The following EXOC6B variants were observed in gnomAD, a reference collection of about 807,000 sequenced individuals.
The protein encoded by EXOC6B is SEC15 homolog B.
EXOC6B carries 54 observed loss-of-function variants against 113.5 expected under a neutral mutation model. That is an observed-to-expected ratio of 0.48 (90% CI 0.38 to 0.60). EXOC6B has a LOEUF of 0.60. EXOC6B is among the 20% of genes least tolerant of loss of function. The pLI, the probability that EXOC6B is intolerant of heterozygous loss-of-function variation, is 0.00. For missense variants in EXOC6B, 797 were observed against 977.5 expected, an observed-to-expected ratio of 0.82 and a Z score of 2.46; for synonymous variants, 357 against 339.0, an observed-to-expected ratio of 1.05 and a Z score of -0.58.
intron 17 of EXOC6B, among the ~76,000 whole-genome samples, chr2:72,471,824 C>A (rs1698430043): frequency 6.6e-6 from 1 of 152,110 alleles, no homozygotes; most frequent in African/African-American, 2.4e-5. Context: ...AGGCAGTCAA[C>A]CTTTTCCCAT....
rs150193324 is a variant in EXOC6B, at chr2:72,432,225, G to A, written c.1980+32935C>T. On this transcript the variant is annotated intron_variant, in intron 18 of 21. Coordinates refer to ENST00000272427, the MANE Select transcript of EXOC6B (RefSeq NM_015189.3). The stretch of plus-strand genomic sequence containing the variant: ...CTAATTTTTTGTATTTAGTAGAGAC[G>A]CAGTTTCACCATGTTGGTCAAGCTG... Among the ~76,000 whole-genome samples the A allele has an allele frequency of 7.9e-5, 12 of 151,898 alleles. No homozygotes were observed. The East Asian group carries it at 1.5e-3, about 20-fold the overall frequency.
At chr2:72,521,700 T>C (rs1701496176) in intron 8 of EXOC6B, among the ~76,000 whole-genome samples, 1 of 152,136 alleles carries the variant, frequency 6.6e-6, no homozygotes, top group South Asian at 2.1e-4. Flanking sequence ...CAAGGCTTTG[T>C]TTAACTTTTT....
At chr2:72,757,841 T>G (rs1467384902) in intron 1 of EXOC6B, among the ~76,000 whole-genome samples, 1 of 152,098 alleles carries the variant, frequency 6.6e-6, no homozygotes, top group Admixed American at 6.6e-5. Context: ...CTCTTGTAAT[T>G]AATCATGATA....
chr2:72,414,551 C>T (rs1185666067), intron 18 of EXOC6B, among the ~76,000 whole-genome samples: 1 of 152,278 alleles, frequency 6.6e-6, no homozygotes, highest in African/African-American at 2.4e-5. Flanking sequence ...GGACAGAGGC[C>T]CTCTGTGCAG....
At chr2:72,512,736 G>T (rs1701007224) in intron 11 of EXOC6B, among the ~76,000 whole-genome samples, 1 of 151,904 alleles carries the variant, frequency 6.6e-6, no homozygotes, top group Non-Finnish European at 1.5e-5. Context: ...ACTTCTTATT[G>T]TATGGCATTA....
At chr2:72,428,736 C>T (rs1226586592) in intron 18 of EXOC6B, among the ~76,000 whole-genome samples, 1 of 152,180 alleles carries the variant, frequency 6.6e-6, no homozygotes, top group East Asian at 1.9e-4. Flanking sequence ...CCAAAGATCC[C>T]ATAACAACAA....
chr2:72,302,835 A>T (rs1457834560), intron 20 of EXOC6B, among the ~76,000 whole-genome samples: 1 of 150,912 alleles, frequency 6.6e-6, no homozygotes, highest in African/African-American at 2.4e-5. Flanking sequence ...TACATTTTTT[A>T]TATGTGTGGA....
chr2:72,517,951 A>C (rs1043085771), intron 8 of EXOC6B, among the ~76,000 whole-genome samples: 1 of 152,230 alleles, frequency 6.6e-6, no homozygotes, highest in Non-Finnish European at 1.5e-5. Context: ...TTTATCTAAT[A>C]GGTCTGGCTT....
At chr2:72,762,050 C>A (rs946883706) in intron 1 of EXOC6B, among the ~76,000 whole-genome samples, 1 of 151,946 alleles carries the variant, frequency 6.6e-6, no homozygotes, top group Non-Finnish European at 1.5e-5. Context: ...TCAAGACCAT[C>A]CTAGCCAACA....
chr2:72,393,132 G>T (rs554307625), intron 18 of EXOC6B, among the ~76,000 whole-genome samples: 1 of 151,514 alleles, frequency 6.6e-6, no homozygotes, highest in East Asian at 1.9e-4. Flanking sequence ...GTCTCACTCT[G>T]TAACCAGGCT....
intron 20 of EXOC6B, among the ~76,000 whole-genome samples, chr2:72,202,809 TA>T (rs1254133493): frequency 6.6e-6 from 1 of 152,152 alleles, no homozygotes; most frequent in Non-Finnish European, 1.5e-5. Context: ...CTTTAGCAGC[TA>T]AATATTCCCC....
chr2:72,503,190 C>T (rs1700419931), intron 11 of EXOC6B, among the ~76,000 whole-genome samples: 1 of 152,068 alleles, frequency 6.6e-6, no homozygotes, highest in East Asian at 1.9e-4. Flanking sequence ...CCAATATCAA[C>T]ACAAAATTAT....
At chr2:72,742,107 A>G (rs958277983) in intron 1 of EXOC6B, among the ~76,000 whole-genome samples, 2 of 152,138 alleles carry the variant, frequency 1.3e-5, no homozygotes, top group Non-Finnish European at 2.9e-5. Context: ...CCCTCATTAA[A>G]ATCAACCAGT....
intron 20 of EXOC6B, among the ~76,000 whole-genome samples, chr2:72,233,786 G>A (rs933355234): frequency 3.9e-5 from 6 of 152,188 alleles, no homozygotes; most frequent in African/African-American, 1.4e-4. Flanking sequence ...GACTTTGGCT[G>A]GCAGCCACAG....
intron 1 of EXOC6B, among the ~76,000 whole-genome samples, chr2:72,786,170 C>T (rs979583294): frequency 3.9e-5 from 6 of 152,112 alleles, no homozygotes; most frequent in Admixed American, 1.3e-4. Flanking sequence ...TTGAAAGAAT[C>T]GTAACAATGA....
intron 20 of EXOC6B, among the ~76,000 whole-genome samples, chr2:72,254,035 CTG>C (rs1683191280): frequency 6.6e-6 from 1 of 151,952 alleles, no homozygotes; most frequent in South Asian, 2.1e-4. Context: ...TGGTGGGCAC[CTG>C]TAGTCCCAGC....
chr2:72,568,091 T>C (rs940733095), intron 7 of EXOC6B, among the ~76,000 whole-genome samples: 4 of 151,964 alleles, frequency 2.6e-5, no homozygotes, highest in Non-Finnish European at 5.9e-5. Flanking sequence ...TCTTAACCAA[T>C]GTATGCCTCC....
At chr2:72,463,737 A>C (rs956250937) in intron 18 of EXOC6B, 1 of 152,186 alleles carries the variant, frequency 6.6e-6, no homozygotes, top group African/African-American at 2.4e-5. Flanking sequence ...TCAGAGAAAA[A>C]GACTCACTAG....
intron 20 of EXOC6B, among the ~76,000 whole-genome samples, chr2:72,300,553 A>C (rs1429782419): frequency 6.6e-6 from 1 of 152,164 alleles, no homozygotes; most frequent in African/African-American, 2.4e-5. Context: ...CTAGCGTTCC[A>C]GGTGCCACTG....
Sources: allele counts gnomAD v4.1 joint callset (sites outside exome capture counted in the v4.1 genomes callset), GRCh38; gene constraint gnomAD v4.1.1; transcripts MANE v1.5; gene names NCBI Gene and HGNC (gene_info 2026-07-23, HGNC 2026-07-21).